AGBL1: variants seen among roughly 807,000 people sequenced by gnomAD.
AGBL1 encodes AGBL carboxypeptidase 1, also known as cytosolic carboxypeptidase 4.
Under a neutral mutation model 118.9 loss-of-function variants are expected in AGBL1, and 130 were observed. That is an observed-to-expected ratio of 1.09 (90% CI 0.95 to 1.26). AGBL1 has a LOEUF of 1.26. Among genes scored for constraint, AGBL1 ranks in the 50% most tolerant of loss-of-function variants. The pLI is 0.00. For missense variants in AGBL1, 1,584 were observed against 1,298.1 expected (o/e 1.22, Z -3.38); for synonymous variants, 555 against 478.9 (o/e 1.16, Z -2.08).
At chr15:86,460,166 C>G (rs147941079) in intron 18 of AGBL1, among the ~76,000 whole-genome samples, 1 of 151,588 alleles carries the variant, frequency 6.6e-6, no homozygotes, top group Non-Finnish European at 1.5e-5. Flanking sequence ...TGTCAAGGGA[C>G]AAACTGCACC....
chr15:86,313,900 C>G (rs564591421), intron 17 of AGBL1, among the ~76,000 whole-genome samples: 1 of 152,230 alleles, frequency 6.6e-6, no homozygotes, highest in African/African-American at 2.4e-5. Context: ...TAAGTGGGAG[C>G]AGGCATTTAG....
chr15:86,207,048 C>G (rs1224164132), intron 5 of AGBL1, among the ~76,000 whole-genome samples: 6 of 152,150 alleles, frequency 3.9e-5, no homozygotes, highest in Non-Finnish European at 8.8e-5. Context: ...GTTTTCCCAG[C>G]ACCATTTATT....
intron 17 of AGBL1, among the ~76,000 whole-genome samples, chr15:86,311,631 A>G (rs1597717699): frequency 6.6e-6 from 1 of 152,146 alleles, no homozygotes; most frequent in East Asian, 1.9e-4. Flanking sequence ...TGACATCACG[A>G]ATATCAACAG....
intron 24 of AGBL1, among the ~76,000 whole-genome samples, chr15:87,023,448 A>G (rs1445140942): frequency 6.6e-6 from 1 of 152,130 alleles, no homozygotes; most frequent in Admixed American, 6.6e-5. Context: ...CTGAATGTAT[A>G]TGCACCTAAC....
intron 22 of AGBL1, among the ~76,000 whole-genome samples, chr15:86,764,308 G>A (rs2078066866): frequency 6.6e-6 from 1 of 152,004 alleles, no homozygotes; most frequent in African/African-American, 2.4e-5. Context: ...CTGTATATGG[G>A]TACAGTGATA....
At chr15:86,805,000 C>T (rs74027107) in intron 22 of AGBL1, among the ~76,000 whole-genome samples, 1,849 of 151,970 alleles carry the variant, frequency 0.012, 43 homozygotes, top group African/African-American at 0.042. Flanking sequence ...AGCAGGGTCC[C>T]GTGGGAAAGG....
chr15:86,151,238 C>T (rs911049379), intron 3 of AGBL1, among the ~76,000 whole-genome samples: 5 of 149,214 alleles, frequency 3.4e-5, no homozygotes, highest in African/African-American at 1.2e-4. Flanking sequence ...CAGCATGGCA[C>T]GTGTATACAT....
chr15:86,215,890 A>G (rs2141901427), intron 5 of AGBL1, among the ~76,000 whole-genome samples: 1 of 152,290 alleles, frequency 6.6e-6, no homozygotes, highest in South Asian at 2.1e-4. Context: ...GTGAAAAATG[A>G]TACTTGTGTG....
chr15:87,003,944 G>GT lies in AGBL1; in HGVS notation c.3323+15862dup, dbSNP rs1421754151. Among the ~76,000 whole-genome samples, 7 of 152,000 alleles carry GT rather than the reference G, an allele frequency of 4.6e-5. No homozygotes were observed. The South Asian group carries it at 1.0e-3, about 23-fold the overall frequency. On this transcript the variant is annotated intron_variant, in intron 24 of 24. Transcript: ENST00000441037. ...CTGGATTCATTGATTTTTTTGAAGGGTTTTTTGTGTCTCTATCTCCTTCAG... is the reference window on the plus strand; with the variant it reads ...CTGGATTCATTGATTTTTTTGAAGGGTTTTTTTGTGTCTCTATCTCCTTCAG...
chr15:86,474,299 A>C (rs2082521860), intron 18 of AGBL1, among the ~76,000 whole-genome samples: 1 of 152,206 alleles, frequency 6.6e-6, no homozygotes, highest in African/African-American at 2.4e-5. Context: ...CAGGAGGTAC[A>C]AGGGGTCAAG....
chr15:86,508,182 A>G (rs1308482306), intron 18 of AGBL1, among the ~76,000 whole-genome samples: 1 of 151,820 alleles, frequency 6.6e-6, no homozygotes, highest in Non-Finnish European at 1.5e-5. Context: ...TTGGCCTCCC[A>G]AAGTGCTGGG....
intron 16 of AGBL1, among the ~76,000 whole-genome samples, chr15:86,285,025 A>G (rs1353866530): frequency 6.6e-6 from 1 of 152,124 alleles, no homozygotes; most frequent in Non-Finnish European, 1.5e-5. Flanking sequence ...CAGTTGGCAC[A>G]TGCATTCAGA....
At chr15:86,493,431 T>C (rs1338915400) in intron 18 of AGBL1, among the ~76,000 whole-genome samples, 1 of 151,782 alleles carries the variant, frequency 6.6e-6, no homozygotes, top group Non-Finnish European at 1.5e-5. Flanking sequence ...AGAAGACACA[T>C]AGGAGAAGGT....
At chr15:86,351,816 A>G (rs185008791) in intron 17 of AGBL1, among the ~76,000 whole-genome samples, 1 of 152,308 alleles carries the variant, frequency 6.6e-6, no homozygotes, top group East Asian at 1.9e-4. Flanking sequence ...AGCTGACGCC[A>G]TTTATTTCTG....
intron 23 of AGBL1, among the ~76,000 whole-genome samples, chr15:86,940,617 C>T (rs928401116): frequency 6.6e-6 from 1 of 152,134 alleles, no homozygotes; most frequent in African/African-American, 2.4e-5. Context: ...AACTAAAAGT[C>T]AAAATGGAGT....
In AGBL1 at chr15:86,555,944, T is replaced by C. The variant is rs973384851; in HGVS notation, c.2994+1407T>C. Reference sequence around the variant, plus strand: ...TTTAAATATTGTGACTTTAAGGCCTTATGGACATAGGTTTGTGTCTCTCTC... The same window carrying C: ...TTTAAATATTGTGACTTTAAGGCCTCATGGACATAGGTTTGTGTCTCTCTC... On this transcript the variant is annotated intron_variant, in intron 21 of 22. Coordinates refer to ENST00000614907, the MANE Select transcript of AGBL1 (RefSeq NM_001386094.1). 1.1e-4 allele frequency among the ~76,000 whole-genome samples: 17 copies of C among 152,302 alleles called. No individual in the cohort carries two copies. The East Asian group carries it at 1.4e-3, about 12-fold the overall frequency.
At chr15:86,895,713 A>T (rs968274577) in intron 22 of AGBL1, among the ~76,000 whole-genome samples, 6 of 151,880 alleles carry the variant, frequency 4.0e-5, no homozygotes, top group African/African-American at 1.2e-4. Flanking sequence ...AAACACTGCA[A>T]AGATACCACA....
intron 22 of AGBL1, among the ~76,000 whole-genome samples, chr15:86,821,707 C>A (rs960541285): frequency 6.6e-6 from 1 of 152,114 alleles, no homozygotes; most frequent in Admixed American, 6.6e-5. Flanking sequence ...ATTTATTGAG[C>A]ATTTACTGTT....
chr15:86,094,344 C>T (rs1026022192), intron 1 of AGBL1, among the ~76,000 whole-genome samples: 1 of 152,140 alleles, frequency 6.6e-6, no homozygotes, highest in African/African-American at 2.4e-5. Context: ...GTAATTAAAA[C>T]ATTAATATTT....
Sources: gnomAD v4.1 joint callset for allele counts (sites outside exome capture counted in the v4.1 genomes callset) on GRCh38, gnomAD v4.1.1 for gene constraint, MANE v1.5 for transcripts, NCBI Gene and HGNC (gene_info 2026-07-23, HGNC 2026-07-21) for gene names.